BST1: variants seen among roughly 807,000 people sequenced by gnomAD.
BST1 encodes the protein bone marrow stromal cell antigen 1, also known as ADP-ribosyl cyclase/cyclic ADP-ribose hydrolase 2.
In BST1, 49 loss-of-function variants were observed where a neutral mutation model predicts 40.6. That is an observed-to-expected ratio of 1.21 (90% CI 0.96 to 1.53). The LOEUF (loss-of-function observed/expected upper bound fraction) is 1.53. BST1 is among the 40% of genes most tolerant of loss of function. The probability of loss-of-function intolerance (pLI) is 0.00; values close to 1 mark genes in which losing one functional copy is unlikely to be tolerated. For missense variants in BST1, 423 were observed against 395.9 expected, an observed-to-expected ratio of 1.07 and a Z score of -0.58; for synonymous variants, 157 against 159.3, an observed-to-expected ratio of 0.99 and a Z score of 0.11.
chr4:15,719,107 G>T (rs530454248), intron 7 of BST1, 114 bp downstream of exon 7: 6 of 912,550 alleles, frequency 6.6e-6, no homozygotes, highest in African/African-American at 1.7e-5. Context: ...GGTGTCTTCC[G>T]GGTGGCTTCT....
At chr4:15,762,040 T>C in the BST1 span, among the ~76,000 whole-genome samples, 1 of 151,308 alleles carries the variant, frequency 6.6e-6, no homozygotes, top group Non-Finnish European at 1.5e-5. Context: ...AATACAAAAA[T>C]TAGCCAGGCA....
At chr4:15,716,298 T>A (rs1034448461) in intron 6 of BST1, among the ~76,000 whole-genome samples, 1 of 152,214 alleles carries the variant, frequency 6.6e-6, no homozygotes, top group Non-Finnish European at 1.5e-5. Context: ...AATGCAAACT[T>A]AAACTCATTC....
chr4:15,737,839 A>C (rs73798701), exon 7 of BST1: 1 of 1,283,734 alleles, frequency 7.8e-7, no homozygotes, highest in Admixed American at 2.3e-5. Context: ...GAGTCCAAAG[A>C]TGTAAATGCC....
downstream of BST1, among the ~76,000 whole-genome samples, chr4:15,742,539 T>C (rs1721771328): frequency 6.6e-6 from 1 of 152,248 alleles, no homozygotes; most frequent in South Asian, 2.1e-4. Flanking sequence ...CTTTTCTTTA[T>C]AAACTGCTCA....
At chr4:15,739,733 C>G (rs1172937577), downstream of BST1, among the ~76,000 whole-genome samples, 2 of 152,138 alleles carry the variant, frequency 1.3e-5, no homozygotes, top group Non-Finnish European at 2.9e-5. Flanking sequence ...CATACAGTGA[C>G]AAGCTCTCAG....
At chr4:15,717,965 G>C (rs2148886991) in intron 6 of BST1, among the ~76,000 whole-genome samples, 1 of 152,282 alleles carries the variant, frequency 6.6e-6, no homozygotes, top group African/African-American at 2.4e-5. Context: ...GGTGGGCATG[G>C]GAAGGTTGTG....
downstream of BST1, among the ~76,000 whole-genome samples, chr4:15,741,906 G>C (rs560502465): frequency 6.6e-6 from 1 of 152,334 alleles, no homozygotes; most frequent in East Asian, 1.9e-4. Flanking sequence ...TGTCCCAGTT[G>C]CTGCTCTGGG....
chr4:15,741,762 C>T (rs191645457), downstream of BST1, among the ~76,000 whole-genome samples: 28 of 152,246 alleles, frequency 1.8e-4, no homozygotes, highest in Non-Finnish European at 2.4e-4. Flanking sequence ...TTATCTATTC[C>T]GCTTCTGAGC....
At chr4:15,712,656 GTTGA>G (rs1297632735) in intron 4 of BST1, among the ~76,000 whole-genome samples, 44 of 152,274 alleles carry the variant, frequency 2.9e-4, no homozygotes, top group African/African-American at 1.0e-3. Flanking sequence ...TATCCACTAG[GTTGA>G]TTGTTAGTCA....
chr4:15,724,834 G>C (rs1291146499), intron 8 of BST1, among the ~76,000 whole-genome samples: 1 of 152,126 alleles, frequency 6.6e-6, no homozygotes, highest in Admixed American at 6.5e-5. Flanking sequence ...TGGCTATCAA[G>C]AATAATGATC....
At chr4:15,754,134 A>G in the BST1 span, among the ~76,000 whole-genome samples, 1 of 152,152 alleles carries the variant, frequency 6.6e-6, no homozygotes, top group Non-Finnish European at 1.5e-5. Flanking sequence ...GATTGAAAAG[A>G]GAGGAAAACC....
intron 3 of BST1, among the ~76,000 whole-genome samples, chr4:15,710,404 A>AT (rs765920010): frequency 4.6e-5 from 7 of 152,186 alleles, no homozygotes; most frequent in Non-Finnish European, 8.8e-5. Flanking sequence ...TAGCATATCA[A>AT]TCATCTTAAA....
intron 1 of BST1, among the ~76,000 whole-genome samples, chr4:15,703,711 GGTGGGGGT>G (rs1719690570): frequency 7.0e-6 from 1 of 142,910 alleles, no homozygotes; most frequent in African/African-American, 2.6e-5. Flanking sequence ...GTGCTCTAGA[GGTGGGGGT>G]GTGTGTGTGT....
chr4:15,723,811 C>A, intron 8 of BST1: 1 of 174,848 alleles, frequency 5.7e-6, no homozygotes, highest in Non-Finnish European at 1.1e-5. Flanking sequence ...CTTCCACCAC[C>A]AGTATATGCT....
the BST1 span, among the ~76,000 whole-genome samples, chr4:15,757,331 A>G: frequency 0.78 from 118,036 of 152,130 alleles, 46,120 homozygotes; most frequent in East Asian, 0.98. Context: ...ATTCACAGCC[A>G]TGCCAAAGAA....
chr4:15,762,806 C>A, the BST1 span, among the ~76,000 whole-genome samples: 2 of 152,062 alleles, frequency 1.3e-5, no homozygotes, highest in African/African-American at 2.4e-5. Context: ...TAGTATTTGT[C>A]TTTCTGTGTC....
downstream of BST1, among the ~76,000 whole-genome samples, chr4:15,741,604 C>T (rs572186576): frequency 6.6e-6 from 1 of 152,060 alleles, no homozygotes; most frequent in African/African-American, 2.4e-5. Flanking sequence ...TTTGTACAAC[C>T]CCAAAGACAC....
intron 3 of BST1, among the ~76,000 whole-genome samples, chr4:15,709,648 C>T (rs889575548): frequency 6.6e-6 from 1 of 152,182 alleles, no homozygotes; most frequent in African/African-American, 2.4e-5. Flanking sequence ...CTATCTATGC[C>T]CTCCTATCAG....
At chr4:15,703,860 G>A (rs1439355882) in intron 1 of BST1, among the ~76,000 whole-genome samples, 2 of 146,050 alleles carry the variant, frequency 1.4e-5, no homozygotes, top group African/African-American at 2.5e-5. Context: ...GGTGAGGGGT[G>A]TGTGCATGTG....
Sources: allele counts gnomAD v4.1 joint callset (sites outside exome capture counted in the v4.1 genomes callset), GRCh38; gene constraint gnomAD v4.1.1; transcripts MANE v1.5; gene names NCBI Gene and HGNC (gene_info 2026-07-23, HGNC 2026-07-21).